MICU1: variants seen among roughly 807,000 people sequenced by gnomAD.
MICU1 encodes mitochondrial calcium uptake 1.
A neutral mutation model predicts 56.8 loss-of-function variants in MICU1; 45 were observed. The observed-to-expected ratio is 0.79, with a 90% CI of 0.62 to 1.02. MICU1 has a LOEUF of 1.02. MICU1 is among the 50% of genes least tolerant of loss of function. MICU1 has a pLI of 0.00. For missense variants in MICU1, 504 were observed against 587.1 expected (o/e 0.86, Z 1.46); for synonymous variants, 186 against 195.1 (o/e 0.95, Z 0.39).
At chr10:72,379,221 ACTT>A (rs1465502276) in intron 10 of MICU1, among the ~76,000 whole-genome samples, 2 of 152,226 alleles carry the variant, frequency 1.3e-5, no homozygotes, top group East Asian at 3.8e-4. Flanking sequence ...TGGTCATTAT[ACTT>A]CTCAGTAGGA....
rs186560798 is a variant in MICU1, at chr10:72,467,270, G to A, written c.933+7830C>T. On this transcript the variant is annotated intron_variant, in intron 8 of 11. Transcript: ENST00000361114. ...GCAATCTTGGCTCACTGCAACTTCC[G>A]CCTCCCGGGCTCAAGCAATTCTCAT... Among the ~76,000 whole-genome samples the A allele has an allele frequency of 6.6e-5, 10 of 152,110 alleles. No homozygotes were observed. In the East Asian group the frequency reaches 1.7e-3, roughly 26 times the overall value.
intron 3 of MICU1, among the ~76,000 whole-genome samples, chr10:72,557,769 CATATAA>C (rs1463421870): frequency 7.9e-5 from 12 of 152,156 alleles, no homozygotes; most frequent in African/African-American, 2.9e-4. Flanking sequence ...TAGATGCATG[CATATAA>C]ATATATACTA....
At chr10:72,450,438 A>C (rs1284622881) in intron 8 of MICU1, among the ~76,000 whole-genome samples, 2 of 151,862 alleles carry the variant, frequency 1.3e-5, no homozygotes. Flanking sequence ...AGACAGAGAC[A>C]GGTGGTCAGA....
intron 10 of MICU1, among the ~76,000 whole-genome samples, chr10:72,380,742 C>G (rs753208771): frequency 1.3e-5 from 2 of 152,212 alleles, no homozygotes; most frequent in Non-Finnish European, 2.9e-5. Context: ...TGCCCTTTCC[C>G]TATACACACT....
intron 6 of MICU1, among the ~76,000 whole-genome samples, chr10:72,497,458 A>G (rs1454408129): frequency 6.6e-6 from 1 of 152,196 alleles, no homozygotes; most frequent in Non-Finnish European, 1.5e-5. Context: ...TTTAAATGAA[A>G]GGTCCAGCTA....
At chr10:72,598,462 G>GAA (rs1841436819) in intron 1 of MICU1, among the ~76,000 whole-genome samples, 1 of 151,884 alleles carries the variant, frequency 6.6e-6, no homozygotes, top group Non-Finnish European at 1.5e-5. Context: ...CACCATGTTG[G>GAA]CCAGGCTGGT....
At chr10:72,550,275 T>C (rs1012845584) in intron 4 of MICU1, among the ~76,000 whole-genome samples, 1 of 152,192 alleles carries the variant, frequency 6.6e-6, no homozygotes, top group African/African-American at 2.4e-5. Context: ...TGTCTTACAA[T>C]TGCCTACTGT....
chr10:72,575,952 G>A (rs1589358912), intron 1 of MICU1, among the ~76,000 whole-genome samples: 1 of 152,220 alleles, frequency 6.6e-6, no homozygotes, highest in East Asian at 1.9e-4. Context: ...GGTGGCTCAC[G>A]CCTGTAATCC....
intron 3 of MICU1, among the ~76,000 whole-genome samples, chr10:72,552,446 G>T (rs1264286629): frequency 2.6e-5 from 4 of 152,044 alleles, no homozygotes; most frequent in African/African-American, 9.7e-5. Flanking sequence ...TAAATAACTG[G>T]CTAGAAAATG....
intron 9 of MICU1, among the ~76,000 whole-genome samples, chr10:72,416,096 T>G (rs1589193035): frequency 6.6e-6 from 1 of 152,194 alleles, no homozygotes; most frequent in Admixed American, 6.5e-5. Context: ...AATTAATTTA[T>G]TCTACTAAGC....
chr10:72,419,481 T>A (rs1864086538), intron 9 of MICU1, among the ~76,000 whole-genome samples: 1 of 152,224 alleles, frequency 6.6e-6, no homozygotes, highest in South Asian at 2.1e-4. Context: ...CAGCCTGCCC[T>A]CATTTGCAGC....
At chr10:72,481,766 C>T (rs2152477) in intron 6 of MICU1, among the ~76,000 whole-genome samples, 87,463 of 152,020 alleles carry the variant, frequency 0.58, 26,019 homozygotes, top group Non-Finnish European at 0.67. Flanking sequence ...GTGAGGCTTT[C>T]CCCCCTGCTA....
chr10:72,547,556 C>T (rs1338879327), intron 4 of MICU1, among the ~76,000 whole-genome samples: 1 of 134,394 alleles, frequency 7.4e-6, no homozygotes, highest in Non-Finnish European at 1.7e-5. Context: ...TATATAAAGT[C>T]TATTAGAAAA....
At chr10:72,465,503 CTTTTTTTTT>C (rs10586216) in intron 8 of MICU1, among the ~76,000 whole-genome samples, 2 of 57,772 alleles carry the variant, frequency 3.5e-5, no homozygotes, top group African/African-American at 9.7e-5. Context: ...CTGTTCAGGT[CTTTTTTTTT>C]TTTTTTTTTT....
At chr10:72,590,925 A>G (rs1712902562) in intron 1 of MICU1, among the ~76,000 whole-genome samples, 1 of 151,908 alleles carries the variant, frequency 6.6e-6, no homozygotes, top group Non-Finnish European at 1.5e-5. Flanking sequence ...CACTCTACCC[A>G]ACAACAGCAT....
At chr10:72,589,205 C>A (rs1028708223) in intron 1 of MICU1, among the ~76,000 whole-genome samples, 2 of 151,968 alleles carry the variant, frequency 1.3e-5, no homozygotes, top group African/African-American at 4.8e-5. Flanking sequence ...AGGAGAATTG[C>A]TTGAACCCAG....
intron 1 of MICU1, among the ~76,000 whole-genome samples, chr10:72,602,082 G>C (rs770042397): frequency 4.0e-4 from 60 of 151,852 alleles, no homozygotes; most frequent in Non-Finnish European, 7.7e-4. Flanking sequence ...ACAGGCATGA[G>C]CCACCATGCC....
chr10:72,443,385 T>A (rs1238421385), intron 8 of MICU1, among the ~76,000 whole-genome samples: 1 of 152,248 alleles, frequency 6.6e-6, no homozygotes, highest in Non-Finnish European at 1.5e-5. Flanking sequence ...TTAGATCCCA[T>A]TTGTCAATTT....
intron 9 of MICU1, 75 bp from the exon 10 acceptor site, chr10:72,408,112 AC>A: frequency 1.2e-6 from 1 of 829,568 alleles, no homozygotes; most frequent in African/African-American, 1.7e-5. Context: ...GCAGTGATTC[AC>A]ATCTGCAAAT....
Sources: allele counts gnomAD v4.1 joint callset (sites outside exome capture counted in the v4.1 genomes callset), GRCh38; gene constraint gnomAD v4.1.1; transcripts MANE v1.5; gene names NCBI Gene and HGNC (gene_info 2026-07-23, HGNC 2026-07-21).